The following PKN2 variants were observed in gnomAD, a reference collection of about 807,000 sequenced individuals.
PKN2 encodes serine/threonine-protein kinase N2.
Under a neutral mutation model 119.1 loss-of-function variants are expected in PKN2, and 38 were observed. The observed-to-expected ratio is 0.32, with a 90% CI of 0.25 to 0.42. The LOEUF is 0.42. Ranked by LOEUF, PKN2 falls within the 10% of genes least tolerant of loss-of-function variation. PKN2 has a pLI of 1.00. For missense variants in PKN2, 850 were observed against 1,165.1 expected (o/e 0.73, Z 3.94); for synonymous variants, 390 against 384.9 (o/e 1.01, Z -0.15).
chr1:88,787,462 A>G (rs1670627371), intron 8 of PKN2, among the ~76,000 whole-genome samples: 1 of 152,186 alleles, frequency 6.6e-6, no homozygotes, highest in South Asian at 2.1e-4. Context: ...GGTTAGTTAC[A>G]TACCAGTAAA....
intron 2 of PKN2, among the ~76,000 whole-genome samples, chr1:88,747,219 T>C (rs937069137): frequency 6.6e-6 from 1 of 152,116 alleles, no homozygotes; most frequent in Non-Finnish European, 1.5e-5. Flanking sequence ...CTATAGTTAA[T>C]AGCAATGTAT....
intron 16 of PKN2, among the ~76,000 whole-genome samples, chr1:88,820,464 T>C (rs1321299615): frequency 6.7e-6 from 1 of 149,304 alleles, no homozygotes; most frequent in Non-Finnish European, 1.5e-5. Context: ...ACTGGGGAGG[T>C]GGGGGTTGCG....
chr1:88,705,556 G>A (rs543160377), intron 1 of PKN2, among the ~76,000 whole-genome samples: 36 of 151,994 alleles, frequency 2.4e-4, no homozygotes, highest in Admixed American at 6.6e-4. Flanking sequence ...AAAATTAGCC[G>A]GTTGTGGTGG....
chr1:88,747,648 G>A (rs1006484904), intron 2 of PKN2, among the ~76,000 whole-genome samples: 2 of 151,998 alleles, frequency 1.3e-5, no homozygotes, highest in African/African-American at 4.8e-5. Flanking sequence ...AATAATTTGG[G>A]TAGTGTATAG....
intron 3 of PKN2, among the ~76,000 whole-genome samples, chr1:88,765,198 G>A (rs1168833935): frequency 6.6e-6 from 1 of 151,046 alleles, no homozygotes; most frequent in Non-Finnish European, 1.5e-5. Context: ...CAAAGTGCTA[G>A]GATTACAGGC....
chr1:88,788,405 T>A (rs1425647457), intron 8 of PKN2, among the ~76,000 whole-genome samples: 2 of 152,184 alleles, frequency 1.3e-5, no homozygotes, highest in Non-Finnish European at 2.9e-5. Context: ...ATTATGGCCC[T>A]CAGGCTAAGT....
intron 1 of PKN2, among the ~76,000 whole-genome samples, chr1:88,707,932 A>G (rs190099675): frequency 1.3e-5 from 2 of 152,206 alleles, no homozygotes; most frequent in East Asian, 3.9e-4. Context: ...TCTTGGGTCT[A>G]TAGTTGTTCT....
intron 1 of PKN2, among the ~76,000 whole-genome samples, chr1:88,715,565 A>G (rs936975901): frequency 6.6e-6 from 1 of 152,144 alleles, no homozygotes; most frequent in Non-Finnish European, 1.5e-5. Context: ...AGAGGTGTTT[A>G]TAGTATTCTC....
chr1:88,700,671 C>A (rs1400930478), intron 1 of PKN2, among the ~76,000 whole-genome samples: 1 of 152,154 alleles, frequency 6.6e-6, no homozygotes, highest in Non-Finnish European at 1.5e-5. Flanking sequence ...GACAGCTTCC[C>A]CTGTATTTTT....
intron 1 of PKN2, among the ~76,000 whole-genome samples, chr1:88,692,263 C>T (rs1187462250): frequency 1.3e-5 from 2 of 151,870 alleles, no homozygotes; most frequent in South Asian, 2.1e-4. Context: ...ATCCACTCTC[C>T]CTTGTTGGGC....
At chr1:88,732,143 T>C (rs1668166149) in intron 1 of PKN2, among the ~76,000 whole-genome samples, 1 of 152,210 alleles carries the variant, frequency 6.6e-6, no homozygotes, top group Non-Finnish European at 1.5e-5. Context: ...GCAGATATAA[T>C]GTAGTATAAG....
chr1:88,764,137 C>G (rs1156450947), intron 3 of PKN2, among the ~76,000 whole-genome samples: 1 of 152,148 alleles, frequency 6.6e-6, no homozygotes, highest in Non-Finnish European at 1.5e-5. Context: ...AGCTTCTGAT[C>G]TCATCTTCTA....
chr1:88,797,369 T>C (rs111351186), intron 8 of PKN2, among the ~76,000 whole-genome samples: 10,045 of 148,008 alleles, frequency 0.068, 674 homozygotes, highest in African/African-American at 0.18. Flanking sequence ...GTCTTCCAGG[T>C]GCAGTGGCTC....
intron 15 of PKN2, among the ~76,000 whole-genome samples, chr1:88,809,857 C>T (rs1374027897): frequency 6.6e-6 from 1 of 151,662 alleles, no homozygotes; most frequent in Non-Finnish European, 1.5e-5. Context: ...TCAAGCGATC[C>T]TCCTTGGCCT....
chr1:88,730,261 T>C (rs1668093093), intron 1 of PKN2, among the ~76,000 whole-genome samples: 1 of 152,074 alleles, frequency 6.6e-6, no homozygotes, highest in Non-Finnish European at 1.5e-5. Context: ...AAACAAGAAG[T>C]AGAAAGGTAG....
At chr1:88,720,024 T>TTTGTTG (rs34630092) in intron 1 of PKN2, among the ~76,000 whole-genome samples, 1 of 151,908 alleles carries the variant, frequency 6.6e-6, no homozygotes, top group South Asian at 2.1e-4. Context: ...CAAAATGTTT[T>TTTGTTG]TTGTTGTTGT....
chr1:88,790,511 G>A (rs1167304056), intron 8 of PKN2, among the ~76,000 whole-genome samples: 4 of 152,082 alleles, frequency 2.6e-5, no homozygotes, highest in Admixed American at 6.5e-5. Flanking sequence ...TTTAGCCTCA[G>A]TATTACAGTC....
chr1:88,702,781 T>C (rs1449208209), intron 1 of PKN2, among the ~76,000 whole-genome samples: 1 of 151,960 alleles, frequency 6.6e-6, no homozygotes, highest in Non-Finnish European at 1.5e-5. Context: ...CTAGTTTCAG[T>C]TGAAAACTAT....
intron 6 of PKN2, among the ~76,000 whole-genome samples, chr1:88,773,338 A>G (rs1417471023): frequency 6.6e-6 from 1 of 152,084 alleles, no homozygotes; most frequent in Non-Finnish European, 1.5e-5. Context: ...CTGGGATTAC[A>G]GGCATGTGCT....
Sources: gnomAD v4.1 joint callset for allele counts (sites outside exome capture counted in the v4.1 genomes callset) on GRCh38, gnomAD v4.1.1 for gene constraint, MANE v1.5 for transcripts, NCBI Gene and HGNC (gene_info 2026-07-23, HGNC 2026-07-21) for gene names.